MYH1: variants seen among roughly 807,000 people sequenced by gnomAD.
The protein encoded by MYH1 is myosin heavy chain 1.
A neutral mutation model predicts 225.6 loss-of-function variants in MYH1; 214 were observed. That is an observed-to-expected ratio of 0.95 (90% CI 0.85 to 1.06). The LOEUF (loss-of-function observed/expected upper bound fraction) is 1.06, where lower values mean the gene tolerates loss of function less well. Ranked by LOEUF, MYH1 falls within the 50% of genes least tolerant of loss-of-function variation. The probability of loss-of-function intolerance (pLI) is 0.00; values close to 1 mark genes in which losing one functional copy is unlikely to be tolerated. For missense variants in MYH1, 2,098 were observed against 2,344.2 expected, an observed-to-expected ratio of 0.89 and a Z score of 2.17; for synonymous variants, 774 against 842.3, an observed-to-expected ratio of 0.92 and a Z score of 1.40.
At position 10,505,225 on chromosome 17, in the gene MYH1, T is replaced by C. The variant is rs758968908; in HGVS notation, c.2373A>G (p.Arg791=). The change falls in exon 21 of 40, where the codon CGA becomes CGG. Residue 791 remains arginine, a synonymous_variant. Coordinates refer to ENST00000226207, the MANE Select transcript of MYH1 (RefSeq NM_005963.4). ...AGAACCCTCTGCACATGGCCTGGGT[T>C]CGGGTAATCAGCTGGGCCAGCTTCT... ...RDEKLAQLIT[R]TQAMCRGFLA... 18 of 1,614,100 alleles carry C rather than the reference T, an allele frequency of 1.1e-5. No individual in the cohort carries two copies. Among genetic ancestry groups the C allele is most frequent in the Admixed American group, 1.7e-5 (1 of 60,014 alleles).
rs772228098 is a variant in MYH1 at position 10,516,050 on chromosome 17, G to T, written c.381C>A (p.Asn127Lys). The change falls in exon 5 of 40, where the codon AAC becomes AAA. Residue 127 changes from asparagine to lysine, a missense_variant. Coordinates refer to ENST00000226207, the MANE Select transcript of MYH1 (RefSeq NM_005963.4). ...TYSGLFCVTV[N>K]PYKWLPVYNA... ...TATACACTGGCAACCACTTGTAGGG[G>T]TTGACAGTGACACAGAACAAGCCTG... 1.2e-6 allele frequency: 2 copies of T among 1,614,172 alleles called. No homozygotes were observed. The highest frequency in any genetic ancestry group is 2.2e-5 in the East Asian group (1 of 44,878).
Position 10,516,100 on chromosome 17 carries a change from G to A in MYH1, c.349-18C>T, listed in dbSNP as rs1336100266. On this transcript the variant is annotated intron_variant, in intron 4 of 39. Transcript: ENST00000226207. ...GAGTAGGTCTGCACCCAAAACAAAA[G>A]GGAGGAACAGAATTATTTGATGGGG... The A allele has an allele frequency of 6.2e-7, 1 of 1,613,648 alleles. No homozygotes were observed. Among genetic ancestry groups the A allele is most frequent in the Non-Finnish European group, 8.5e-7 (1 of 1,179,720 alleles).
chr17:10,498,297 C>G (rs925226040), intron 30 of MYH1, among the ~76,000 whole-genome samples: 5 of 152,304 alleles, frequency 3.3e-5, no homozygotes, highest in Middle Eastern at 3.4e-3. Flanking sequence ...CTGTACTAAT[C>G]TTTGTATTCT....
In MYH1 at chr17:10,496,391, C is replaced by T; in HGVS notation, c.4815G>A (p.Leu1605=). The change falls in exon 34 of 40, where the codon CTG becomes CTA. Residue 1605 remains leucine, a synonymous_variant. Transcript: ENST00000226207. ...IRIVESMQST[L]DAEIRSRNDA... ...CATTCCTGCTCCTGATCTCAGCATC[C>T]AGTGTGCTCTGCATGGACTCCACGA... 1.9e-6 allele frequency: 3 copies of T among 1,614,014 alleles called. No homozygotes were observed. The South Asian group carries it at 3.3e-5, about 18-fold the overall frequency.
rs150456818 is a variant in MYH1 at position 10,496,414 on chromosome 17, C to T, written c.4792G>A (p.Val1598Met). The change falls in exon 34 of 40, where the codon GTG becomes ATG. Residue 1598 changes from valine to methionine, a missense_variant. Physicochemically the swap from Val to Met is conservative, Grantham distance 21. Coordinates refer to ENST00000226207, the MANE Select transcript of MYH1 (RefSeq NM_005963.4). ...DQMKRNHIRI[V>M]ESMQSTLDAE... Reference sequence around the variant, plus strand: ...TCCAGTGTGCTCTGCATGGACTCCACGATTCTAATGTGGTTTCTCTTCATC... The same window carrying T: ...TCCAGTGTGCTCTGCATGGACTCCATGATTCTAATGTGGTTTCTCTTCATC... 106 of 1,614,012 alleles carry T rather than the reference C, an allele frequency of 6.6e-5. No homozygotes were observed. In the African/African-American group the frequency reaches 8.0e-4, roughly 12 times the overall value.
rs907753151 is a variant in MYH1, at chr17:10,496,063, G to A, written c.5056C>T (p.Gln1686Ter). Residue 1686 changes from glutamine to a stop codon, truncating the protein, a stop_gained, in exon 35 of 40, where the codon CAG (glutamine) becomes TAG (stop). Coordinates refer to ENST00000226207, the MANE Select transcript of MYH1 (RefSeq NM_005963.4). LOFTEE classifies it high-confidence loss of function. ...AMVERRANLLQAEIEELRATL... is the reference protein window; with the variant it reads ...AMVERRANLL ...GCCCGCAGCTCCTCGATCTCAGCCT[G>A]CAGCAGGTTGGCTCTGCGCTCCACC... 8 of 1,613,994 alleles carry A rather than the reference G, an allele frequency of 5.0e-6. No individual in the cohort carries two copies. The highest frequency in any genetic ancestry group is 2.7e-5 in the African/African-American group (2 of 74,914).
intron 39 of MYH1, among the ~76,000 whole-genome samples, chr17:10,494,110 T>G: frequency 6.6e-6 from 1 of 152,160 alleles, no homozygotes; most frequent in Admixed American, 6.5e-5. Flanking sequence ...CTTTCCTCCT[T>G]TTTTTGTCTG....
In MYH1 at chr17:10,509,502, T is replaced by A. The variant is rs779325362; in HGVS notation, c.1570A>T (p.Ile524Phe). The A allele has an allele frequency of 1.2e-6, 2 of 1,614,186 alleles. No homozygotes were observed. The highest frequency in any genetic ancestry group is 2.2e-5 in the South Asian group (2 of 91,082). The change falls in exon 15 of 40, where the codon ATC (isoleucine) becomes TTC (phenylalanine). Residue 524 changes from isoleucine to phenylalanine, a missense_variant. Transcript: ENST00000226207. ...AAGCCAACCTTCTCGATGAGCTCGA[T>A]GCAGGCAGCCAGGTCCATCCCAAAG... ...IDFGMDLAAC[I>F]ELIEKPMGIF...
intron 33 of MYH1, 105 bp downstream of exon 33, chr17:10,496,964 A>G: frequency 6.8e-7 from 1 of 1,461,084 alleles, no homozygotes; most frequent in South Asian, 1.4e-5. Flanking sequence ...TCCCTAGTTC[A>G]TGGAGCAAAA....
rs763187441 is a variant in MYH1, at chr17:10,495,082, T to A, written c.5315A>T (p.Glu1772Val). 1.2e-6 allele frequency: 2 copies of A among 1,614,176 alleles called. No homozygotes were observed. Among genetic ancestry groups the A allele is most frequent in the African/African-American group, 2.7e-5 (2 of 75,032 alleles). The change falls in exon 37 of 40, where the codon GAG becomes GTG. Residue 1772 changes from glutamate (E) to valine (V), a missense_variant. Transcript: ENST00000226207. ...GCTGGTGTCCTGTTCCTTCTTCAGC[T>A]CCTCAGCCATCATGGCAGCCTAATT... Reference protein sequence around the residue: ...AITDAAMMAEELKKEQDTSAH... With the variant: ...AITDAAMMAEVLKKEQDTSAH...
In MYH1 at chr17:10,501,093, T is replaced by G. The variant is rs1390929231; in HGVS notation, c.3738+17A>C. 1 of 1,610,092 alleles carries G rather than the reference T, an allele frequency of 6.2e-7. No individual in the cohort carries two copies. The highest frequency in any genetic ancestry group is 1.3e-5 in the African/African-American group (1 of 74,948). On this transcript the variant is annotated intron_variant, in intron 27 of 39. Coordinates refer to ENST00000226207, the MANE Select transcript of MYH1 (RefSeq NM_005963.4). The stretch of plus-strand genomic sequence containing the variant: ...AAAACAAAAAACCAAATAATCAATG[T>G]GAAGTGTTGATTGTACCTTGGCTTT...
At chr17:10,505,701 G>A in intron 19 of MYH1, 111 bp downstream of exon 19, 1 of 1,458,202 alleles carries the variant, frequency 6.9e-7, no homozygotes, top group Admixed American at 2.0e-5. Flanking sequence ...TTTGTTAAGT[G>A]AGTTTATCTT....
At chr17:10,501,739 CAA>C (rs781623769) in intron 25 of MYH1, 25 bp downstream of exon 25, 40 of 1,613,812 alleles carry the variant, frequency 2.5e-5, no homozygotes, top group African/African-American at 4.0e-5. Flanking sequence ...AATTTCCCCA[CAA>C]AACTGTTGAC....
Position 10,496,259 on chromosome 17 carries a change from G to C in MYH1, c.4947C>G (p.Asn1649Lys), listed in dbSNP as rs1171478960. The C allele has an allele frequency of 1.2e-6, 2 of 1,614,162 alleles. No homozygotes were observed. ...TATTTACCTTGAGGATGGCTTGGGT[G>C]TTCCTATAGTTCCTCAGGGCCTCAG... ...MAAEALRNYR[N>K]TQAILKDTQL... Residue 1649 changes from asparagine (N) to lysine (K), a missense_variant, in exon 34 of 40, where the codon AAC becomes AAG. Transcript: ENST00000226207.
rs1255003746 is a variant in MYH1 at position 10,503,143 on chromosome 17, C to G, written c.2797G>C (p.Glu933Gln). Residue 933 changes from glutamate (E) to glutamine (Q), a missense_variant, in exon 23 of 40, where the codon GAG becomes CAG. Coordinates refer to ENST00000226207, the MANE Select transcript of MYH1 (RefSeq NM_005963.4). ...GTCAGCTCAGCATTGATCTCTTCCT[C>G]ATCCTCAGCTCTCTCAGTCACCTCT... ...IKEVTERAED[E>Q]EEINAELTAK... 4 of 1,613,796 alleles carry G rather than the reference C, an allele frequency of 2.5e-6. No individual in the cohort carries two copies. In the African/African-American group the frequency reaches 5.3e-5, roughly 22 times the overall value.
At position 10,511,572 on chromosome 17, in the gene MYH1, T is replaced by C. The variant is rs1180765289; in HGVS notation, c.1416+267A>G. On this transcript the variant is annotated intron_variant, in intron 14 of 39. Transcript: ENST00000226207. The stretch of plus-strand genomic sequence containing the variant: ...TAAGTGCTTTACCTACAGGTCCTAG[T>C]TGAATTTGCCCAATGATCAATCAGG... 3.3e-5 allele frequency among the ~76,000 whole-genome samples: 5 copies of C among 152,202 alleles called. No homozygotes were observed. The East Asian group carries it at 5.8e-4, about 18-fold the overall frequency.
intron 16 of MYH1, 59 bp from the exon 17 acceptor site, chr17:10,508,015 TTTG>T: frequency 2.2e-6 from 3 of 1,342,896 alleles, no homozygotes; most frequent in Non-Finnish European, 3.1e-6. Flanking sequence ...GTTTTTTTTT[TTTG>T]TTTTTTTTTG....
rs1298858066 is a variant in MYH1, at chr17:10,508,580, A to T, written c.1680T>A (p.Leu560=). ...SFKNKLYEQH[L]GKSNNFQKPK... ...GCTTCTGGAAGTTATTGGATTTTCC[A>T]AGATGTTGTTCATACAGCTTGTTCT... The change falls in exon 16 of 40, where the codon CTT becomes CTA. Residue 560 remains leucine (L), a synonymous_variant. Coordinates refer to ENST00000226207, the MANE Select transcript of MYH1 (RefSeq NM_005963.4). 2 of 1,614,196 alleles carry T rather than the reference A, an allele frequency of 1.2e-6. No homozygotes were observed. The highest frequency in any genetic ancestry group is 1.7e-6 in the Non-Finnish European group (2 of 1,180,034).
chr17:10,492,912 G>A (rs554559070), intron 39 of MYH1, among the ~76,000 whole-genome samples: 1 of 151,626 alleles, frequency 6.6e-6, no homozygotes, highest in South Asian at 2.1e-4. Context: ...CCTTTTAAGA[G>A]TGCAAGTATG....
Sources: allele counts gnomAD v4.1 joint callset (sites outside exome capture counted in the v4.1 genomes callset), GRCh38; gene constraint gnomAD v4.1.1; transcripts MANE v1.5; gene names NCBI Gene and HGNC (gene_info 2026-07-23, HGNC 2026-07-21).